The following SRP54 variants were observed in gnomAD, a reference collection of about 807,000 sequenced individuals.
The protein encoded by SRP54 is signal recognition particle 54, also known as signal recognition particle subunit SRP54.
A neutral mutation model predicts 64.8 loss-of-function variants in SRP54; 10 were observed. That is an observed-to-expected ratio of 0.15 (90% confidence interval 0.10 to 0.26). The LOEUF is 0.26. Among genes scored for constraint, SRP54 ranks in the 10% least tolerant of loss-of-function variants. The probability of loss-of-function intolerance (pLI) is 1.00; values close to 1 mark genes in which losing one functional copy is unlikely to be tolerated. For synonymous variants in SRP54, 193 were observed against 185.6 expected (o/e 1.04, Z -0.32); for missense variants, 325 against 613.7 (o/e 0.53, Z 4.97).
chr14:35,014,600 CTTTGGTTTTCTCA>C (rs945406712), intron 10 of SRP54, 131 bp from the exon 11 acceptor site: 1 of 623,008 alleles, frequency 1.6e-6, no homozygotes, highest in Non-Finnish European at 2.7e-6. Flanking sequence ...ACTTTCTTAG[CTTTGGTTTTCTCA>C]TTTGTGTAGT....
rs538756043 is a variant in SRP54 at position 35,007,914 on chromosome 14, A to AAG, written c.360+527_360+528insAG. Among the ~76,000 whole-genome samples, 946 of 151,474 alleles carry AAG rather than the reference A, an allele frequency of 6.2e-3. 14 individuals are homozygous for AAG. Among genetic ancestry groups the AAG allele is most frequent in the African/African-American group, 0.022 (914 of 41,360 alleles). Reference sequence around the variant, plus strand: ...AGAGGAGAGGTCCTCATAGTTTCTTATGATTTTTTTTTTGTAAGAAGGTAG... The same window carrying AAG: ...AGAGGAGAGGTCCTCATAGTTTCTTAAGTGATTTTTTTTTTGTAAGAAGGTAG... On this transcript the variant is annotated intron_variant, in intron 5 of 15. Transcript: ENST00000216774.
chr14:35,024,101 C>T (rs994638255), intron 14 of SRP54, among the ~76,000 whole-genome samples: 2 of 152,110 alleles, frequency 1.3e-5, no homozygotes, highest in African/African-American at 4.8e-5. Context: ...AATCTCGGCT[C>T]ACTGCAGCCT....
Position 34,996,684 on chromosome 14 carries a change from C to T in SRP54, c.-26C>T, listed in dbSNP as rs750390635. Reference sequence around the variant, plus strand: ...ATTTTTTTTCTGCTGTAGAGTTCTTCGTAAGTACATCTTAAAGCTGTCAAG... The same window carrying T: ...ATTTTTTTTCTGCTGTAGAGTTCTTTGTAAGTACATCTTAAAGCTGTCAAG... On this transcript the variant is annotated 5_prime_UTR_variant, in exon 2 of 16. Coordinates refer to ENST00000216774, the MANE Select transcript of SRP54 (RefSeq NM_003136.4). The T allele has an allele frequency of 1.9e-6, 3 of 1,555,688 alleles. No individual in the cohort carries two copies. The highest frequency in any genetic ancestry group is 2.7e-6 in the Non-Finnish European group (3 of 1,127,056).
intron 14 of SRP54, among the ~76,000 whole-genome samples, chr14:35,024,472 C>G (rs116314320): frequency 1.3e-5 from 2 of 152,092 alleles, no homozygotes; most frequent in African/African-American, 4.8e-5. Flanking sequence ...CATTTTTCCC[C>G]CTTATATCTT....
intron 8 of SRP54, among the ~76,000 whole-genome samples, chr14:35,012,195 A>T (rs1490347441): frequency 2.0e-5 from 3 of 147,538 alleles, no homozygotes; most frequent in Non-Finnish European, 3.0e-5. Flanking sequence ...CAGCCTGGGC[A>T]ACAAGAGCAA....
intron 1 of SRP54, among the ~76,000 whole-genome samples, chr14:34,988,575 A>ATATATATATATATATATAT (rs1335355701): frequency 3.8e-5 from 1 of 26,446 alleles, no homozygotes; most frequent in African/African-American, 7.3e-5. Context: ...AAAAAAAAAA[A>ATATATATATATATATATAT]AAAATATATA....
chr14:35,000,575 AG>A (rs766940537), intron 3 of SRP54, among the ~76,000 whole-genome samples: 5 of 148,364 alleles, frequency 3.4e-5, no homozygotes. Context: ...AAAAAAAAAA[AG>A]AAAAAAGAAA....
intron 1 of SRP54, among the ~76,000 whole-genome samples, chr14:34,985,779 A>G (rs970128540): frequency 2.0e-5 from 3 of 152,206 alleles, no homozygotes; most frequent in African/African-American, 7.2e-5. Context: ...ACTCCAGATT[A>G]AGAATTTAGA....
intron 13 of SRP54, among the ~76,000 whole-genome samples, chr14:35,022,028 GT>G (rs949783203): frequency 3.9e-5 from 6 of 152,150 alleles, no homozygotes; most frequent in African/African-American, 1.4e-4. Flanking sequence ...ACTAGTAGTA[GT>G]AATTACTTGA....
chr14:35,023,722 T>C (rs1030414844), intron 14 of SRP54, among the ~76,000 whole-genome samples: 2 of 151,364 alleles, frequency 1.3e-5, no homozygotes, highest in Admixed American at 1.3e-4. Flanking sequence ...AGGCGGAGCT[T>C]GCAGTGAGCC....
chr14:35,019,247 G>A (rs2044488497), intron 13 of SRP54, 173 bp downstream of exon 13: 3 of 527,948 alleles, frequency 5.7e-6, no homozygotes, highest in East Asian at 3.2e-5. Context: ...TTATTGGATT[G>A]CCTTCATCGT....
chr14:34,984,713 G>T lies in SRP54; in HGVS notation c.-34+1498G>T, dbSNP rs1389536838. ...GATGGGGTTCCACCATGTTGGCCAG[G>T]TTGGTCTTGAACTCCTGACCTGAAG... On this transcript the variant is annotated intron_variant, in intron 1 of 15. Coordinates refer to ENST00000216774, the MANE Select transcript of SRP54 (RefSeq NM_003136.4). Among the ~76,000 whole-genome samples the T allele has an allele frequency of 6.6e-5, 10 of 152,208 alleles. No homozygotes were observed. The South Asian group carries it at 1.7e-3, about 25-fold the overall frequency.
chr14:35,001,689 G>A (rs967298061), intron 4 of SRP54, among the ~76,000 whole-genome samples: 6 of 152,086 alleles, frequency 3.9e-5, no homozygotes, highest in Admixed American at 2.0e-4. Context: ...TACACTGTTC[G>A]TTGTGTAAGG....
At chr14:34,990,430 G>A (rs190375265) in intron 1 of SRP54, among the ~76,000 whole-genome samples, 17 of 152,144 alleles carry the variant, frequency 1.1e-4, no homozygotes, top group Admixed American at 7.9e-4. Context: ...GGCAGGGAAC[G>A]GCTGTTCTAT....
chr14:35,002,564 C>T (rs552236996), intron 4 of SRP54, among the ~76,000 whole-genome samples: 73 of 151,782 alleles, frequency 4.8e-4, no homozygotes, highest in African/African-American at 1.7e-3. Flanking sequence ...TCCCAAGTAG[C>T]TGGGATTACA....
rs199590717 is a variant in SRP54, at chr14:34,987,230, G to GAA, written c.-34+4031_-34+4032dup. Among the ~76,000 whole-genome samples, 247 of 124,294 alleles carry GAA rather than the reference G, an allele frequency of 2.0e-3. 1 individual carries two copies. Among genetic ancestry groups the GAA allele is most frequent in the African/African-American group, 7.2e-3 (226 of 31,300 alleles). The allele number at this position is 124,294 out of a possible 152,430, so 81.5% of individuals were successfully genotyped here. A position where few individuals can be genotyped will look rare whatever the true frequency, so the allele number is the denominator to read the frequency against. ...TGGGTGACAGAGAGACACTACATCT[G>GAA]AAAAAAAAAAAAAAAAATATATATA... On this transcript the variant is annotated intron_variant, in intron 1 of 15. Transcript: ENST00000216774.
intron 7 of SRP54, among the ~76,000 whole-genome samples, chr14:35,009,069 G>A (rs1211276789): frequency 2.6e-5 from 4 of 151,760 alleles, no homozygotes; most frequent in African/African-American, 7.3e-5. Flanking sequence ...TGTATTTTTA[G>A]TAGAGACAGG....
At chr14:34,993,592 A>G (rs991553757) in intron 1 of SRP54, 5 of 152,012 alleles carry the variant, frequency 3.3e-5, no homozygotes, top group African/African-American at 1.2e-4. Context: ...CCTCAAATGC[A>G]TTTTCCCTTC....
rs1384552218 is a variant in SRP54, at chr14:34,988,578, A to AAAATATATAT, written c.-34+5364_-34+5365insAATATATATA. ...TCCATCTCAAAAAAAAAAAAAAAAA[A>AAAATATATAT]ATATATATATATATATAACATATAT... On this transcript the variant is annotated intron_variant, in intron 1 of 15. Transcript: ENST00000216774. 1.2e-3 allele frequency among the ~76,000 whole-genome samples: 55 copies of AAAATATATAT among 47,102 alleles called. 3 individuals carry two copies. Among genetic ancestry groups the AAAATATATAT allele is most frequent in the Admixed American group, 2.0e-3 (8 of 3,992 alleles). 30.9% of individuals were successfully genotyped at this position (47,102 alleles called of 152,430 possible). A position where few individuals can be genotyped will look rare whatever the true frequency, so the allele number is the denominator to read the frequency against.
Sources: gnomAD v4.1 joint callset for allele counts (sites outside exome capture counted in the v4.1 genomes callset) on GRCh38, gnomAD v4.1.1 for gene constraint, MANE v1.5 for transcripts, NCBI Gene and HGNC (gene_info 2026-07-23, HGNC 2026-07-21) for gene names.